LHFPL3: variants seen among roughly 807,000 people sequenced by gnomAD.
LHFPL3 encodes the protein LHFPL tetraspan subfamily member 3.
Under a neutral mutation model 19.3 loss-of-function variants are expected in LHFPL3, and 5 were observed. That is an observed-to-expected ratio of 0.26 (90% confidence interval 0.14 to 0.54). The LOEUF (loss-of-function observed/expected upper bound fraction) is 0.54. Among genes scored for constraint, LHFPL3 ranks in the 20% least tolerant of loss-of-function variants. The probability of loss-of-function intolerance (pLI) is 0.94; values close to 1 mark genes in which losing one functional copy is unlikely to be tolerated. For missense variants in LHFPL3, 249 were observed against 307.4 expected, an observed-to-expected ratio of 0.81 and a Z score of 1.42; for synonymous variants, 133 against 126.2, an observed-to-expected ratio of 1.05 and a Z score of -0.36.
At chr7:104,385,637 C>G (rs1220624644) in intron 1 of LHFPL3, among the ~76,000 whole-genome samples, 1 of 152,076 alleles carries the variant, frequency 6.6e-6, no homozygotes, top group African/African-American at 2.4e-5. Context: ...TTCACTCAGT[C>G]AATCATTCAT....
At chr7:104,700,841 C>T (rs1432344789) in intron 1 of LHFPL3, among the ~76,000 whole-genome samples, 1 of 152,178 alleles carries the variant, frequency 6.6e-6, no homozygotes, top group Non-Finnish European at 1.5e-5. Flanking sequence ...AGTATCTATT[C>T]TGTCCAATTG....
chr7:104,896,520 TC>T (rs1163880245), intron 2 of LHFPL3, among the ~76,000 whole-genome samples: 1 of 152,130 alleles, frequency 6.6e-6, no homozygotes, highest in Non-Finnish European at 1.5e-5. Flanking sequence ...AGGAAGTGGC[TC>T]CCAGGGAAGC....
intron 1 of LHFPL3, among the ~76,000 whole-genome samples, chr7:104,335,243 C>A (rs1789771770): frequency 6.6e-6 from 1 of 152,170 alleles, no homozygotes; most frequent in African/African-American, 2.4e-5. Context: ...ATCCTGAGTT[C>A]AGTGCCAAGG....
Position 104,733,438 on chromosome 7 carries a change from A to G in LHFPL3, c.446-3237A>G, listed in dbSNP as rs907685391. 2.0e-5 allele frequency among the ~76,000 whole-genome samples: 3 copies of G among 152,308 alleles called. No homozygotes were observed. In the East Asian group the frequency reaches 5.8e-4, roughly 29 times the overall value. On this transcript the variant is annotated intron_variant, in intron 1 of 2. Coordinates refer to ENST00000424859, the MANE Select transcript of LHFPL3 (RefSeq NM_199000.3). ...GGGTGCATATATATTTAGGATAGTTAGCTCTTCTTGTTGAATTCATCCCTT... is the reference window on the plus strand; with the variant it reads ...GGGTGCATATATATTTAGGATAGTTGGCTCTTCTTGTTGAATTCATCCCTT...
At chr7:104,821,361 AG>A (rs1011414621) in intron 2 of LHFPL3, among the ~76,000 whole-genome samples, 2 of 152,230 alleles carry the variant, frequency 1.3e-5, no homozygotes, top group Non-Finnish European at 2.9e-5. Flanking sequence ...AGGAGAGGCA[AG>A]GAAGTGAAGA....
chr7:104,347,633 C>T (rs1205590392), intron 1 of LHFPL3, among the ~76,000 whole-genome samples: 1 of 152,152 alleles, frequency 6.6e-6, no homozygotes, highest in Non-Finnish European at 1.5e-5. Flanking sequence ...TACAATTGCT[C>T]ATGCCTGTAA....
intron 1 of LHFPL3, among the ~76,000 whole-genome samples, chr7:104,673,287 T>C (rs1246429221): frequency 2.0e-5 from 3 of 152,232 alleles, no homozygotes; most frequent in East Asian, 3.8e-4. Flanking sequence ...GAAACACTAA[T>C]CGTTTTGTTG....
chr7:104,695,938 T>G (rs570912669), intron 1 of LHFPL3, among the ~76,000 whole-genome samples: 1 of 152,268 alleles, frequency 6.6e-6, no homozygotes, highest in East Asian at 1.9e-4. Context: ...AGTTGTTGTT[T>G]TTTTGTTTTG....
chr7:104,675,517 CT>C, intron 1 of LHFPL3, among the ~76,000 whole-genome samples: 1 of 152,260 alleles, frequency 6.6e-6, no homozygotes, highest in Non-Finnish European at 1.5e-5. Context: ...CATCATTCTG[CT>C]TGCTATGTGG....
At chr7:104,828,746 A>T (rs1014713610) in intron 2 of LHFPL3, among the ~76,000 whole-genome samples, 1 of 151,976 alleles carries the variant, frequency 6.6e-6, no homozygotes, top group Admixed American at 6.5e-5. Flanking sequence ...AGAGTCCCCA[A>T]AACAATGGCT....
At chr7:104,526,893 C>T (rs1794197407) in intron 1 of LHFPL3, among the ~76,000 whole-genome samples, 2 of 152,196 alleles carry the variant, frequency 1.3e-5, no homozygotes, top group Non-Finnish European at 2.9e-5. Context: ...ATGGTGCATA[C>T]ACTCTAGTGG....
chr7:104,874,390 CTT>C (rs1234139276), intron 2 of LHFPL3, among the ~76,000 whole-genome samples: 28 of 120,508 alleles, frequency 2.3e-4, no homozygotes, highest in Middle Eastern at 4.1e-3. Flanking sequence ...AAAAGGAATG[CTT>C]TTTTTTTTTT....
At chr7:104,330,037 T>C (rs1457817439) in intron 1 of LHFPL3, among the ~76,000 whole-genome samples, 1 of 152,220 alleles carries the variant, frequency 6.6e-6, no homozygotes, top group Non-Finnish European at 1.5e-5. Context: ...TCCCTGTGGA[T>C]GATAAATTGT....
chr7:104,665,330 T>C (rs1792311209), intron 1 of LHFPL3, among the ~76,000 whole-genome samples: 1 of 152,238 alleles, frequency 6.6e-6, no homozygotes, highest in African/African-American at 2.4e-5. Flanking sequence ...GAAGACAGTA[T>C]ATTGAATTAT....
rs1477625351 is a variant in LHFPL3 at position 104,454,733 on chromosome 7, T to C, written c.445+125509T>C. Among the ~76,000 whole-genome samples, 3 of 152,164 alleles carry C rather than the reference T, an allele frequency of 2.0e-5. No homozygotes were observed. In the East Asian group the frequency reaches 5.8e-4, roughly 29 times the overall value. On this transcript the variant is annotated intron_variant, in intron 1 of 2. Transcript: ENST00000424859. ...CTCCCATAGAATGAGCTCCATTGTTTGTTTCCTTCTCTACCATCTTTCCTC... is the reference window on the plus strand; with the variant it reads ...CTCCCATAGAATGAGCTCCATTGTTCGTTTCCTTCTCTACCATCTTTCCTC...
intron 1 of LHFPL3, among the ~76,000 whole-genome samples, chr7:104,548,602 C>T (rs1463202862): frequency 6.6e-6 from 1 of 152,092 alleles, no homozygotes; most frequent in Non-Finnish European, 1.5e-5. Flanking sequence ...AAATAAAGAA[C>T]TTTTTGCTGG....
Position 104,458,592 on chromosome 7 carries a change from G to A in LHFPL3, c.445+129368G>A, listed in dbSNP as rs372304980. Among the ~76,000 whole-genome samples the A allele has an allele frequency of 3.7e-3, 566 of 152,048 alleles. 6 individuals are homozygous for A. The highest frequency in any genetic ancestry group is 0.013 in the African/African-American group (534 of 41,486). On this transcript the variant is annotated intron_variant, in intron 1 of 2. Transcript: ENST00000424859. ...TCTTTTGGCTTAGGATTGACTTGGC[G>A]ATGCGGGCTCTTTTTTGGTTCCATA...
intron 1 of LHFPL3, among the ~76,000 whole-genome samples, chr7:104,427,706 T>C (rs1791875991): frequency 6.6e-6 from 1 of 152,228 alleles, no homozygotes; most frequent in South Asian, 2.1e-4. Flanking sequence ...CTCTCTCCAT[T>C]TGGGGTTATG....
intron 1 of LHFPL3, among the ~76,000 whole-genome samples, chr7:104,411,102 A>AT (rs1469466992): frequency 6.6e-6 from 1 of 152,230 alleles, no homozygotes; most frequent in African/African-American, 2.4e-5. Flanking sequence ...GCGTATTTTA[A>AT]TTAAAAGATA....
Sources: gnomAD v4.1 joint callset for allele counts (sites outside exome capture counted in the v4.1 genomes callset) on GRCh38, gnomAD v4.1.1 for gene constraint, MANE v1.5 for transcripts, NCBI Gene and HGNC (gene_info 2026-07-23, HGNC 2026-07-21) for gene names.